UBE2G1: variants seen among roughly 807,000 people sequenced by gnomAD.
UBE2G1 encodes the protein ubiquitin-conjugating enzyme E2 G1.
Under a neutral mutation model 22.7 loss-of-function variants are expected in UBE2G1, and 5 were observed. That is an observed-to-expected ratio of 0.22 (90% CI 0.12 to 0.46). The LOEUF (loss-of-function observed/expected upper bound fraction) is 0.46, where lower values mean the gene tolerates loss of function less well. Among genes scored for constraint, UBE2G1 ranks in the 20% least tolerant of loss-of-function variants. UBE2G1 has a pLI of 0.99. For missense variants in UBE2G1, 88 were observed against 203.9 expected, an observed-to-expected ratio of 0.43 and a Z score of 3.46; for synonymous variants, 74 against 67.5, an observed-to-expected ratio of 1.10 and a Z score of -0.47.
chr17:4,330,536 G>A (rs1468523485), intron 1 of UBE2G1, among the ~76,000 whole-genome samples: 1 of 151,812 alleles, frequency 6.6e-6, no homozygotes, highest in South Asian at 2.1e-4. Flanking sequence ...TCAGGAGTTC[G>A]AGGCTAACCT....
chr17:4,290,704 C>T (rs571536529), intron 3 of UBE2G1, among the ~76,000 whole-genome samples: 53 of 146,280 alleles, frequency 3.6e-4, no homozygotes, highest in African/African-American at 1.3e-3. Context: ...TGGTCTCAAA[C>T]TCCTGGGCTC....
At chr17:4,306,478 C>T (rs1403268752) in intron 2 of UBE2G1, among the ~76,000 whole-genome samples, 1 of 152,060 alleles carries the variant, frequency 6.6e-6, no homozygotes, top group Non-Finnish European at 1.5e-5. Context: ...CATGAGCCAC[C>T]GCGCCCGGCC....
intron 1 of UBE2G1, among the ~76,000 whole-genome samples, chr17:4,315,485 A>T (rs535582116): frequency 4.5e-4 from 68 of 152,192 alleles, no homozygotes; most frequent in Middle Eastern, 3.4e-3. Flanking sequence ...TCGCGCCTGT[A>T]ATCCCAGCAC....
At chr17:4,291,080 G>A (rs1969031930) in intron 3 of UBE2G1, among the ~76,000 whole-genome samples, 2 of 152,140 alleles carry the variant, frequency 1.3e-5, no homozygotes, top group African/African-American at 4.8e-5. Flanking sequence ...AACACCGAGG[G>A]CCGGGCGTGG....
chr17:4,350,287 C>T (rs1448190818), intron 1 of UBE2G1, among the ~76,000 whole-genome samples: 1 of 151,952 alleles, frequency 6.6e-6, no homozygotes, highest in Admixed American at 6.6e-5. Context: ...ATGGTGAAAC[C>T]TCGTCTCTAC....
chr17:4,312,073 C>T (rs1969316419), intron 1 of UBE2G1, among the ~76,000 whole-genome samples: 2 of 151,804 alleles, frequency 1.3e-5, no homozygotes, highest in African/African-American at 2.4e-5. Context: ...CACAGTGAAA[C>T]CTCATCTCCA....
chr17:4,272,067 T>TA lies in UBE2G1; in HGVS notation c.*486dup, dbSNP rs2143661407. 1 of 152,652 alleles carries TA rather than the reference T, an allele frequency of 6.6e-6. No homozygotes were observed. Among genetic ancestry groups the TA allele is most frequent in the East Asian group, 1.9e-4 (1 of 5,194 alleles). 9.5% of individuals were successfully genotyped at this position (152,652 alleles called of 1,614,324 possible). ...AGAGTTTAATGAAGCCTCAAGGGTTTAAGGGAAATTAAATGGAAACTTTTA... is the reference window on the plus strand; with the variant it reads ...AGAGTTTAATGAAGCCTCAAGGGTTTAAAGGGAAATTAAATGGAAACTTTTA... On this transcript the variant is annotated 3_prime_UTR_variant, in exon 6 of 6. Transcript: ENST00000396981.
intron 1 of UBE2G1, among the ~76,000 whole-genome samples, chr17:4,322,238 A>G (rs1012343586): frequency 2.6e-5 from 4 of 152,206 alleles, no homozygotes; most frequent in Non-Finnish European, 5.9e-5. Context: ...ACTTCTTGAC[A>G]TAAGAAAGAA....
intron 2 of UBE2G1, among the ~76,000 whole-genome samples, chr17:4,297,906 T>G (rs1481740713): frequency 6.6e-6 from 1 of 152,190 alleles, no homozygotes; most frequent in Non-Finnish European, 1.5e-5. Context: ...GAAATGAAAT[T>G]CTCAGCTCAT....
intron 1 of UBE2G1, among the ~76,000 whole-genome samples, chr17:4,346,024 G>C (rs1483061845): frequency 1.3e-5 from 2 of 152,190 alleles, no homozygotes. Context: ...TAGGATTCTA[G>C]CATCTGCTAT....
At chr17:4,344,297 T>A (rs1567528340) in intron 1 of UBE2G1, among the ~76,000 whole-genome samples, 1 of 152,000 alleles carries the variant, frequency 6.6e-6, no homozygotes, top group East Asian at 1.9e-4. Flanking sequence ...TCCCAGCACT[T>A]TGGGAGGCCG....
At chr17:4,309,698 G>A (rs1037512294) in intron 1 of UBE2G1, among the ~76,000 whole-genome samples, 1 of 152,048 alleles carries the variant, frequency 6.6e-6, no homozygotes, top group Admixed American at 6.6e-5. Flanking sequence ...TACATTACTC[G>A]GACCATTTTC....
intron 4 of UBE2G1, among the ~76,000 whole-genome samples, chr17:4,287,082 A>G (rs1001606258): frequency 6.7e-6 from 1 of 148,470 alleles, no homozygotes; most frequent in African/African-American, 2.5e-5. Flanking sequence ...TAAAATAAAA[A>G]GGGCAACTTG....
chr17:4,360,387 T>C (rs1188368719), intron 1 of UBE2G1, among the ~76,000 whole-genome samples: 1 of 152,158 alleles, frequency 6.6e-6, no homozygotes, highest in Non-Finnish European at 1.5e-5. Flanking sequence ...AACAAAAAAA[T>C]TGTACTGAAG....
chr17:4,348,997 G>A (rs1969813525), intron 1 of UBE2G1, among the ~76,000 whole-genome samples: 1 of 151,920 alleles, frequency 6.6e-6, no homozygotes, highest in African/African-American at 2.4e-5. Flanking sequence ...GACCAGCCTG[G>A]CCAACATGGT....
intron 1 of UBE2G1, among the ~76,000 whole-genome samples, chr17:4,343,595 C>CT (rs111670323): frequency 4.5e-4 from 66 of 148,312 alleles, no homozygotes; most frequent in Non-Finnish European, 5.7e-4. Flanking sequence ...AACCTTTTTT[C>CT]TTTTTTTTTT....
At chr17:4,309,571 G>T (rs1567520311) in intron 1 of UBE2G1, among the ~76,000 whole-genome samples, 2 of 152,150 alleles carry the variant, frequency 1.3e-5, no homozygotes, top group Admixed American at 1.3e-4. Flanking sequence ...TTAAAAAACA[G>T]AAAGTCCCAC....
chr17:4,285,455 A>G (rs143209365), intron 4 of UBE2G1, among the ~76,000 whole-genome samples: 4 of 152,214 alleles, frequency 2.6e-5, no homozygotes, highest in Non-Finnish European at 5.9e-5. Context: ...ATAAGGGAAA[A>G]ATAAAAGCAC....
chr17:4,316,271 G>GTA (rs1197584670), intron 1 of UBE2G1, among the ~76,000 whole-genome samples: 1 of 152,134 alleles, frequency 6.6e-6, no homozygotes, highest in African/African-American at 2.4e-5. Flanking sequence ...TGGCTGCAAG[G>GTA]TATATGTCTG....
Sources: allele counts gnomAD v4.1 joint callset (sites outside exome capture counted in the v4.1 genomes callset), GRCh38; gene constraint gnomAD v4.1.1; transcripts MANE v1.5; gene names NCBI Gene and HGNC (gene_info 2026-07-23, HGNC 2026-07-21).